Variants in IFT122 observed in about 807,000 individuals in gnomAD.
IFT122 encodes the protein intraflagellar transport protein 122 homolog.
Under a neutral mutation model 161.6 loss-of-function variants are expected in IFT122, and 118 were observed. The ratio of observed to expected loss-of-function variants is 0.73; its 90% CI spans 0.63 to 0.85. IFT122 has a LOEUF of 0.85. Among genes scored for constraint, IFT122 ranks in the 40% least tolerant of loss-of-function variants. The pLI, the probability that IFT122 is intolerant of heterozygous loss-of-function variation, is 0.00. For missense variants in IFT122, 1,381 were observed against 1,579.6 expected, an observed-to-expected ratio of 0.87 and a Z score of 2.13; for synonymous variants, 550 against 602.4, an observed-to-expected ratio of 0.91 and a Z score of 1.27.
intron 23 of IFT122, among the ~76,000 whole-genome samples, chr3:129,510,347 T>A (rs1350681812): frequency 6.6e-6 from 1 of 152,226 alleles, no homozygotes; most frequent in Non-Finnish European, 1.5e-5. Flanking sequence ...CAAGAAGGAC[T>A]CCTGACAGGC....
chr3:129,513,634 C>T (rs914910738), intron 24 of IFT122: 1 of 160,538 alleles, frequency 6.2e-6, no homozygotes, highest in African/African-American at 2.4e-5. Flanking sequence ...GTGCCATCCC[C>T]TGGGGACCTG....
chr3:129,451,086 A>G (rs979162490), intron 2 of IFT122, among the ~76,000 whole-genome samples: 1 of 151,680 alleles, frequency 6.6e-6, no homozygotes, highest in Non-Finnish European at 1.5e-5. Context: ...ACCTAAATCC[A>G]TATTACAGCT....
chr3:129,516,428 CACAG>C (rs1204957049), intron 26 of IFT122, among the ~76,000 whole-genome samples: 1 of 146,396 alleles, frequency 6.8e-6, no homozygotes, highest in Non-Finnish European at 1.5e-5. Flanking sequence ...TGCACACACA[CACAG>C]ACTGCCCCTG....
chr3:129,458,533 G>T (rs1196540182), intron 3 of IFT122, 66 bp from the exon 4 acceptor site: 4 of 1,373,346 alleles, frequency 2.9e-6, no homozygotes, highest in Non-Finnish European at 3.1e-6. Context: ...GTTTTCTAAA[G>T]AATTCTCTCT....
chr3:129,465,149 GT>G (rs1333994621), intron 7 of IFT122, among the ~76,000 whole-genome samples: 3 of 129,874 alleles, frequency 2.3e-5, no homozygotes, highest in African/African-American at 3.5e-5. Flanking sequence ...GTGTGTGTGT[GT>G]GTGTGTGTGT....
chr3:129,505,055 G>T (rs550540119), intron 21 of IFT122, among the ~76,000 whole-genome samples: 7 of 152,180 alleles, frequency 4.6e-5, no homozygotes, highest in Admixed American at 2.0e-4. Context: ...TAGAACTTTC[G>T]CTGATGTTAT....
At chr3:129,455,321 C>T (rs377161530) in intron 3 of IFT122, among the ~76,000 whole-genome samples, 11 of 152,010 alleles carry the variant, frequency 7.2e-5, no homozygotes, top group African/African-American at 2.2e-4. Context: ...TACAGGCACG[C>T]GCCACCATGC....
At position 129,497,656 on chromosome 3, in the gene IFT122, A is replaced by G. The variant is rs565623381; in HGVS notation, c.2208+2049A>G. Among the ~76,000 whole-genome samples, 4 of 152,218 alleles carry G rather than the reference A, an allele frequency of 2.6e-5. No homozygotes were observed. In the South Asian group the frequency reaches 6.2e-4, roughly 24 times the overall value. ...CACACTCCATTTGCTCCGTCTCTCT[A>G]TGAAGGTAAATACTCTGGGACTTGT... On this transcript the variant is annotated intron_variant, in intron 18 of 29. Coordinates refer to ENST00000348417, the MANE Select transcript of IFT122 (RefSeq NM_052989.3).
chr3:129,456,194 G>A (rs901190794), intron 3 of IFT122: 6 of 1,258,982 alleles, frequency 4.8e-6, no homozygotes, highest in Non-Finnish European at 6.2e-6. Context: ...CAGAGACTCT[G>A]AGCCCAAAGC....
At position 129,501,153 on chromosome 3, in the gene IFT122, G is replaced by C. The variant is rs3821915; in HGVS notation, c.2375+1085G>C. Among the ~76,000 whole-genome samples the C allele has an allele frequency of 3.1e-3, 471 of 152,162 alleles. 9 individuals are homozygous for C. The highest frequency in any genetic ancestry group is 4.5e-3 in the Non-Finnish European group (303 of 67,994). On this transcript the variant is annotated intron_variant, in intron 19 of 29. Coordinates refer to ENST00000348417, the MANE Select transcript of IFT122 (RefSeq NM_052989.3). ...TGGGACTCAGCACACCGGACCTTGA[G>C]GGGGAAGGCTTTGTCCTCCCAGTCA... is the stretch of plus-strand genomic sequence containing the variant.
At position 129,507,680 on chromosome 3, in the gene IFT122, A is replaced by G; in HGVS notation, c.2804A>G (p.Lys935Arg). The change falls in exon 23 of 30, where the codon AAG becomes AGG. Residue 935 changes from lysine (K) to arginine (R), a missense_variant. Around this residue, in one of 7 missense-constraint regions of IFT122, gnomAD observed 496 missense variants for 502.5 expected, o/e 0.99. Transcript: ENST00000348417. Reference sequence around the variant, plus strand: ...CTGCACACAGCAGATCCTGCCCAGAAGGACACAATGCTTGGCAAGTTCTAC... The same window carrying G: ...CTGCACACAGCAGATCCTGCCCAGAGGGACACAATGCTTGGCAAGTTCTAC... The part of the protein sequence containing the change: ...CLDIAQDPAQ[K>R]DTMLGKFYHF... 6.2e-7 allele frequency: 1 copy of G among 1,614,090 alleles called. No individual in the cohort carries two copies. The highest frequency in any genetic ancestry group is 8.5e-7 in the Non-Finnish European group (1 of 1,179,952).
chr3:129,458,717 TATTGAATAATTGCAGCAA>T (rs2075820612), intron 4 of IFT122, 40 bp downstream of exon 4: 2 of 1,400,720 alleles, frequency 1.4e-6, no homozygotes. Flanking sequence ...GTTTGATGCT[TATTGAATAATTGCAGCAA>T]AAGCCTCTTA....
intron 12 of IFT122, 114 bp downstream of exon 12, chr3:129,478,332 C>A: frequency 1.2e-6 from 1 of 847,858 alleles, no homozygotes; most frequent in Non-Finnish European, 1.9e-6. Flanking sequence ...AAGTCTGTTC[C>A]ATCAAACTAA....
chr3:129,456,359 C>T (rs1192580434), intron 3 of IFT122: 8 of 1,019,978 alleles, frequency 7.8e-6, no homozygotes, highest in African/African-American at 5.1e-5. Context: ...AGGTACTTGG[C>T]CGGGTGTGGT....
chr3:129,476,058 C>T, intron 9 of IFT122: 2 of 528,594 alleles, frequency 3.8e-6, no homozygotes, highest in Non-Finnish European at 6.8e-6. Context: ...TCCTGCACTC[C>T]TGGAGCACTT....
chr3:129,484,006 A>G, intron 15 of IFT122: 1 of 418,450 alleles, frequency 2.4e-6, no homozygotes, highest in South Asian at 2.1e-5. Context: ...GTGAGCAGCA[A>G]AGCCGGGAGT....
Position 129,464,487 on chromosome 3 carries a change from T to C in IFT122, c.417-148T>C, listed in dbSNP as rs572014110. Reference sequence around the variant, plus strand: ...CATTTTAAGTTTGATCCTCTGACTTTATGTCAGGACCGGCAATAATGAAAC... The same window carrying C: ...CATTTTAAGTTTGATCCTCTGACTTCATGTCAGGACCGGCAATAATGAAAC... On this transcript the variant is annotated intron_variant, in intron 6 of 29. Transcript: ENST00000348417. 61 of 931,214 alleles carry C rather than the reference T, an allele frequency of 6.6e-5. No individual in the cohort carries two copies. In the Middle Eastern group the frequency reaches 9.6e-4, roughly 15 times the overall value. 57.7% of individuals were successfully genotyped at this position (931,214 alleles called of 1,614,324 possible).
Position 129,463,617 on chromosome 3 carries a change from TCTG to T in IFT122, c.412_414del (p.Cys138del). 6.2e-7 allele frequency: 1 copy of T among 1,612,872 alleles called. No individual in the cohort carries two copies. ...AAACACAAATCAAGCAGCAAGATCA[TCTG>T]CTGCAGGTAAGTGCAGCTCTGACGA... is the stretch of plus-strand genomic sequence containing the variant. On this transcript the variant is annotated inframe_deletion, in exon 6 of 30. Transcript: ENST00000348417.
Position 129,493,557 on chromosome 3 carries a change from C to T in IFT122, c.2046+1363C>T, listed in dbSNP as rs184061669. Among the ~76,000 whole-genome samples, 9 of 152,324 alleles carry T rather than the reference C, an allele frequency of 5.9e-5. No individual in the cohort carries two copies. In the East Asian group the frequency reaches 1.5e-3, roughly 26 times the overall value. On this transcript the variant is annotated intron_variant, in intron 17 of 29. Coordinates refer to ENST00000348417, the MANE Select transcript of IFT122 (RefSeq NM_052989.3). ...ATGCCACATCCCCATGGGTCCATAG[C>T]CAAAAACTTGGTGGAATTCAAGCCC...
Sources: gnomAD v4.1 joint callset for allele counts (sites outside exome capture counted in the v4.1 genomes callset) on GRCh38, gnomAD v4.1.1 for gene constraint, gnomAD v4.1.1 regional missense constraint, MANE v1.5 for transcripts, NCBI Gene and HGNC (gene_info 2026-07-23, HGNC 2026-07-21) for gene names.